CD99L2: variants seen among roughly 807,000 people sequenced by gnomAD.
The protein encoded by CD99L2 is CD99 antigen-like protein 2.
Under a neutral mutation model 27.3 loss-of-function variants are expected in CD99L2, and 24 were observed. That is an observed-to-expected ratio of 0.88 (90% CI 0.64 to 1.24). The LOEUF (loss-of-function observed/expected upper bound fraction) is 1.24, where lower values mean the gene tolerates loss of function less well. CD99L2 is among the 50% of genes most tolerant of loss of function. The pLI is 0.00. For missense variants in CD99L2, 255 were observed against 221.6 expected (o/e 1.15, Z -0.96); for synonymous variants, 97 against 87.9 (o/e 1.10, Z -0.58).
intron 1 of CD99L2, 26 bp from the exon 2 acceptor site, chrX:150,831,319 C>A: frequency 9.1e-7 from 1 of 1,093,308 alleles, no homozygotes. Flanking sequence ...AAAAATTAAA[C>A]TATCTTTGCA....
intron 4 of CD99L2, among the ~76,000 whole-genome samples, chrX:150,810,102 A>G (rs782611223): frequency 1.8e-5 from 2 of 112,086 alleles, no homozygotes; most frequent in South Asian, 7.5e-4. Flanking sequence ...TACAATAACT[A>G]TCGAAATCGA....
At chrX:150,795,184 A>G in intron 6 of CD99L2, 22 bp downstream of exon 6, 1 of 1,207,692 alleles carries the variant, frequency 8.3e-7, no homozygotes, top group South Asian at 1.8e-5. Flanking sequence ...AATGAGACAG[A>G]ACCAGACCAG....
chrX:150,859,983 G>A (rs67678322), intron 1 of CD99L2, among the ~76,000 whole-genome samples: 6,000 of 110,556 alleles, frequency 0.054, 176 homozygotes, highest in African/African-American at 0.11. Context: ...ATTCTATGAG[G>A]CCAGCACTAC....
At chrX:150,777,165 A>G in intron 8 of CD99L2, 1 of 390,601 alleles carries the variant, frequency 2.6e-6, no homozygotes, top group South Asian at 4.3e-5. Flanking sequence ...CTCCCTCTGT[A>G]AAGATCAGCT....
chrX:150,857,733 G>A (rs1213887553), intron 1 of CD99L2, among the ~76,000 whole-genome samples: 1 of 112,050 alleles, frequency 8.9e-6, no homozygotes, highest in Admixed American at 9.5e-5. Flanking sequence ...TACCACTACA[G>A]ATAGCCACCA....
At chrX:150,793,641 A>T (rs781944496) in intron 7 of CD99L2, 50 bp downstream of exon 7, 64 of 1,023,062 alleles carry the variant, frequency 6.3e-5, no homozygotes. Flanking sequence ...CTGCATAATC[A>T]CCTTTTTCAC....
intron 1 of CD99L2, among the ~76,000 whole-genome samples, chrX:150,868,324 T>C (rs1292901100): frequency 9.1e-6 from 1 of 109,789 alleles, no homozygotes; most frequent in Non-Finnish European, 1.9e-5. Flanking sequence ...GATCAGGAGC[T>C]CGAGACCAGC....
intron 1 of CD99L2, among the ~76,000 whole-genome samples, chrX:150,876,829 G>T (rs1298333020): frequency 8.9e-6 from 1 of 112,106 alleles, no homozygotes; most frequent in African/African-American, 3.2e-5. Flanking sequence ...GTCCACAAAA[G>T]AATTATGTCA....
In CD99L2 at chrX:150,803,256, A is replaced by G. The variant is rs190460259; in HGVS notation, c.278-7770T>C. On this transcript the variant is annotated intron_variant, in intron 4 of 10. Coordinates refer to ENST00000370377, the MANE Select transcript of CD99L2 (RefSeq NM_031462.4). ...CCGGATCCTCTATACCAAAATTTAC[A>G]GTGTTCTCAAGAAAAGACATCAAAG... Among the ~76,000 whole-genome samples the G allele has an allele frequency of 1.5e-4, 17 of 111,754 alleles. No individual in the cohort carries two copies. The East Asian group carries it at 4.8e-3, about 32-fold the overall frequency.
In CD99L2 at chrX:150,824,647, A is replaced by AGGAGGAGAAGAAGAAGAAGAAGAAGAG. The variant is rs2046337517; in HGVS notation, c.130+6583_130+6584insCTCTTCTTCTTCTTCTTCTTCTCCTCC. On this transcript the variant is annotated intron_variant, in intron 2 of 10. Transcript: ENST00000370377. ...AAGGAGGAGAAGAAGGAGGAGAAGA[A>AGGAGGAGAAGAAGAAGAAGAAGAAGAG]GAAGAAGAAGAAGAAGAAGAGGAAG... Among the ~76,000 whole-genome samples the AGGAGGAGAAGAAGAAGAAGAAGAAGAG allele has an allele frequency of 2.0e-4, 17 of 87,168 alleles. 1 individual carries two copies. Among genetic ancestry groups the AGGAGGAGAAGAAGAAGAAGAAGAAGAG allele is most frequent in the African/African-American group, 7.5e-4 (16 of 21,380 alleles). The allele number at this position is 87,168 out of a possible 115,157, so 75.7% of individuals were successfully genotyped here. A position where few individuals can be genotyped will look rare whatever the true frequency, so the allele number is the denominator to read the frequency against.
At chrX:150,868,013 C>A (rs1421007476) in intron 1 of CD99L2, among the ~76,000 whole-genome samples, 1 of 99,827 alleles carries the variant, frequency 1.0e-5, no homozygotes, top group East Asian at 3.3e-4. Context: ...GCCAGGGAGG[C>A]GGAGCTTGCA....
chrX:150,801,680 A>C (rs2045909578), intron 4 of CD99L2, among the ~76,000 whole-genome samples: 1 of 112,061 alleles, frequency 8.9e-6, no homozygotes, highest in African/African-American at 3.2e-5. Context: ...AATCTTCAAC[A>C]AAATATTAGC....
chrX:150,812,425 T>C (rs987343562), intron 4 of CD99L2, among the ~76,000 whole-genome samples: 1 of 111,718 alleles, frequency 9.0e-6, no homozygotes. Flanking sequence ...CTGAAAAGGA[T>C]ATACAGATGG....
rs782129054 is a variant in CD99L2, at chrX:150,871,366, C to T, written c.67+27156G>A. Among the ~76,000 whole-genome samples, 82 of 111,636 alleles carry T rather than the reference C, an allele frequency of 7.3e-4. 1 individual carries two copies. Among genetic ancestry groups the T allele is most frequent in the African/African-American group, 2.2e-3 (69 of 30,723 alleles). On this transcript the variant is annotated intron_variant, in intron 1 of 10. Transcript: ENST00000370377. Reference sequence around the variant, plus strand: ...AAATATCAGAAAAGCAGCCTACAAGCAAATACATTCATGAAAGCACTAGAA... The same window carrying T: ...AAATATCAGAAAAGCAGCCTACAAGTAAATACATTCATGAAAGCACTAGAA...
chrX:150,794,678 G>A (rs1170677414), intron 6 of CD99L2, among the ~76,000 whole-genome samples: 1 of 111,681 alleles, frequency 9.0e-6, no homozygotes, highest in Admixed American at 9.5e-5. Flanking sequence ...TTATCCACAA[G>A]GATCTGAAAA....
intron 1 of CD99L2, among the ~76,000 whole-genome samples, chrX:150,841,473 G>A (rs781851802): frequency 1.3e-4 from 14 of 111,545 alleles, no homozygotes; most frequent in Non-Finnish European, 2.4e-4. Flanking sequence ...ATCCATGTAC[G>A]TGTATTTCTC....
intron 2 of CD99L2, among the ~76,000 whole-genome samples, chrX:150,821,676 T>A (rs191530620): frequency 8.0e-5 from 9 of 112,397 alleles, no homozygotes; most frequent in Admixed American, 2.8e-4. Flanking sequence ...AAATTTAAAA[T>A]TTTTGTGCAT....
At chrX:150,806,265 G>A (rs898402779) in intron 4 of CD99L2, among the ~76,000 whole-genome samples, 2 of 111,906 alleles carry the variant, frequency 1.8e-5, no homozygotes, top group Non-Finnish European at 3.8e-5. Flanking sequence ...AGGTAATTTC[G>A]TGTTTTTTGA....
intron 1 of CD99L2, among the ~76,000 whole-genome samples, chrX:150,835,810 G>A (rs1298123212): frequency 8.9e-6 from 1 of 111,779 alleles, no homozygotes; most frequent in East Asian, 2.8e-4. Flanking sequence ...TTTCGAACAT[G>A]AAGTACTATC....
Sources: allele counts gnomAD v4.1 joint callset (sites outside exome capture counted in the v4.1 genomes callset), GRCh38; gene constraint gnomAD v4.1.1; transcripts MANE v1.5; gene names NCBI Gene and HGNC (gene_info 2026-07-23, HGNC 2026-07-21).